The following CPQ variants were observed in gnomAD, a reference collection of about 807,000 sequenced individuals.
CPQ encodes the protein Ser-Met dipeptidase.
In CPQ, 37 loss-of-function variants were observed where a neutral mutation model predicts 45.7. That is an observed-to-expected ratio of 0.81 (90% confidence interval 0.62 to 1.07). The LOEUF (loss-of-function observed/expected upper bound fraction) is 1.07, where lower values mean the gene tolerates loss of function less well. Ranked by LOEUF, CPQ falls within the 50% of genes least tolerant of loss-of-function variation. CPQ has a pLI of 0.00. For missense variants in CPQ, 537 were observed against 572.9 expected (o/e 0.94, Z 0.64); for synonymous variants, 186 against 205.8 (o/e 0.90, Z 0.82).
At chr8:96,840,318 G>T (rs1811589648) in intron 3 of CPQ, among the ~76,000 whole-genome samples, 1 of 152,186 alleles carries the variant, frequency 6.6e-6, no homozygotes, top group South Asian at 2.1e-4. Context: ...CAGGCTTGAA[G>T]AATTCAGGGT....
chr8:96,793,724 C>T (rs374007092), intron 2 of CPQ, among the ~76,000 whole-genome samples: 1 of 152,268 alleles, frequency 6.6e-6, no homozygotes, highest in African/African-American at 2.4e-5. Flanking sequence ...CACTTATAAG[C>T]CTGCAAAATC....
At chr8:97,136,976 T>C (rs1369866031) in intron 7 of CPQ, among the ~76,000 whole-genome samples, 1 of 152,130 alleles carries the variant, frequency 6.6e-6, no homozygotes, top group Non-Finnish European at 1.5e-5. Context: ...TCAGTAGCTG[T>C]CACTGATAAA....
chr8:97,069,068 A>G (rs143488945), intron 7 of CPQ, among the ~76,000 whole-genome samples: 119 of 152,322 alleles, frequency 7.8e-4, no homozygotes, highest in African/African-American at 2.6e-3. Flanking sequence ...ATTGTAAATA[A>G]CTACTTATAT....
intron 5 of CPQ, among the ~76,000 whole-genome samples, chr8:97,013,106 C>A (rs190523037): frequency 1.4e-4 from 22 of 152,138 alleles, no homozygotes; most frequent in Non-Finnish European, 2.1e-4. Context: ...CCAAGACCAG[C>A]CTTATTTCCA....
At chr8:96,796,122 C>T (rs1309791899) in intron 2 of CPQ, among the ~76,000 whole-genome samples, 1 of 152,048 alleles carries the variant, frequency 6.6e-6, no homozygotes, top group Non-Finnish European at 1.5e-5. Flanking sequence ...CACCTATTCT[C>T]TTATTAGCAG....
chr8:96,807,424 G>A (rs1171028188), intron 2 of CPQ, among the ~76,000 whole-genome samples: 3 of 151,820 alleles, frequency 2.0e-5, no homozygotes, highest in East Asian at 3.9e-4. Context: ...TAGTAGAGAC[G>A]GGGTTTCACC....
chr8:96,703,531 G>A (rs1809496173), intron 1 of CPQ, among the ~76,000 whole-genome samples: 1 of 152,128 alleles, frequency 6.6e-6, no homozygotes, highest in Admixed American at 6.6e-5. Context: ...GAACTAATGT[G>A]TGTGTGTGTT....
chr8:96,714,562 T>G (rs971763557), intron 1 of CPQ, among the ~76,000 whole-genome samples: 1 of 152,142 alleles, frequency 6.6e-6, no homozygotes, highest in African/African-American at 2.4e-5. Flanking sequence ...AATAAAAAAA[T>G]TATGTTGGTT....
chr8:96,667,048 C>T (rs1049697071), intron 1 of CPQ, among the ~76,000 whole-genome samples: 4 of 151,990 alleles, frequency 2.6e-5, no homozygotes, highest in Non-Finnish European at 4.4e-5. Context: ...ATACGGCTTT[C>T]TGAATATTGC....
At chr8:97,063,554 G>T (rs966336978) in intron 6 of CPQ, among the ~76,000 whole-genome samples, 1 of 152,066 alleles carries the variant, frequency 6.6e-6, no homozygotes, top group African/African-American at 2.4e-5. Context: ...TAGTTCCTAT[G>T]TCCAGAATGG....
chr8:96,715,461 C>T (rs913195533), intron 1 of CPQ, among the ~76,000 whole-genome samples: 76 of 152,190 alleles, frequency 5.0e-4, no homozygotes, highest in African/African-American at 1.6e-3. Flanking sequence ...CTGGAGGGCA[C>T]TCCTCCTGTG....
chr8:96,737,355 G>GATAGATATATATATATATATAT (rs1554561434), intron 1 of CPQ, among the ~76,000 whole-genome samples: 1 of 118,000 alleles, frequency 8.5e-6, no homozygotes, highest in Non-Finnish European at 1.7e-5. Flanking sequence ...ACTAATAGGA[G>GATAGATATATATATATATATAT]ATATATATAT....
chr8:97,098,081 C>T (rs1283372655), intron 7 of CPQ, among the ~76,000 whole-genome samples: 2 of 152,160 alleles, frequency 1.3e-5, no homozygotes, highest in African/African-American at 2.4e-5. Flanking sequence ...CAAGGTCTCC[C>T]CCAACCCTCA....
intron 4 of CPQ, among the ~76,000 whole-genome samples, chr8:96,947,417 C>T (rs551852165): frequency 6.6e-6 from 1 of 152,252 alleles, no homozygotes; most frequent in Admixed American, 6.5e-5. Context: ...TACTATTGGT[C>T]TGTATGACTG....
intron 1 of CPQ, among the ~76,000 whole-genome samples, chr8:96,675,970 C>G (rs996589474): frequency 2.0e-5 from 3 of 151,614 alleles, no homozygotes; most frequent in African/African-American, 7.3e-5. Context: ...TTTATCATAC[C>G]AAAAATGTTT....
At chr8:97,047,911 C>T (rs1810288072) in intron 6 of CPQ, among the ~76,000 whole-genome samples, 1 of 152,116 alleles carries the variant, frequency 6.6e-6, no homozygotes, top group East Asian at 1.9e-4. Flanking sequence ...AGAATAGAAC[C>T]CTAACCTTTG....
At chr8:96,982,259 C>T (rs1038251424) in intron 5 of CPQ, among the ~76,000 whole-genome samples, 6 of 151,964 alleles carry the variant, frequency 3.9e-5, no homozygotes, top group Non-Finnish European at 7.4e-5. Flanking sequence ...TAACATTTCC[C>T]GATTTTTTTA....
At chr8:96,840,391 A>T (rs1811590429) in intron 3 of CPQ, among the ~76,000 whole-genome samples, 1 of 152,120 alleles carries the variant, frequency 6.6e-6, no homozygotes. Flanking sequence ...TGTGTTAAAG[A>T]TATGGGGTGA....
chr8:96,806,434 C>A (rs1254497128), intron 2 of CPQ, among the ~76,000 whole-genome samples: 1 of 152,086 alleles, frequency 6.6e-6, no homozygotes, highest in Admixed American at 6.6e-5. Flanking sequence ...CCTAAAAAAT[C>A]TCTCCCACAG....
Sources: allele counts gnomAD v4.1 joint callset (sites outside exome capture counted in the v4.1 genomes callset), GRCh38; gene constraint gnomAD v4.1.1; transcripts MANE v1.5; gene names NCBI Gene and HGNC (gene_info 2026-07-23, HGNC 2026-07-21).